Variants in NAALADL2 observed in about 807,000 individuals in gnomAD.
NAALADL2 encodes inactive N-acetylated-alpha-linked acidic dipeptidase-like protein 2.
NAALADL2 carries 76 observed loss-of-function variants against 87.2 expected under a neutral mutation model. That is an observed-to-expected ratio of 0.87 (90% CI 0.72 to 1.05). The LOEUF (loss-of-function observed/expected upper bound fraction) is 1.05, where lower values mean the gene tolerates loss of function less well. NAALADL2 is among the 50% of genes least tolerant of loss of function. The probability of loss-of-function intolerance (pLI) is 0.00; values close to 1 mark genes in which losing one functional copy is unlikely to be tolerated. For synonymous variants in NAALADL2, 354 were observed against 331.0 expected, an observed-to-expected ratio of 1.07 and a Z score of -0.75; for missense variants, 1,089 against 945.8, an observed-to-expected ratio of 1.15 and a Z score of -1.99.
chr3:174,501,296 T>C (rs1718876112), intron 1 of NAALADL2, among the ~76,000 whole-genome samples: 1 of 143,696 alleles, frequency 7.0e-6, no homozygotes, highest in African/African-American at 3.0e-5. Flanking sequence ...GCCGGGATGG[T>C]CTCGATCTCC....
Position 175,004,376 on chromosome 3 carries a change from C to CAA in NAALADL2, c.44-92386_44-92385dup, listed in dbSNP as rs538715061. 1.5e-3 allele frequency among the ~76,000 whole-genome samples: 50 copies of CAA among 33,818 alleles called. 2 individuals carry two copies. The highest frequency in any genetic ancestry group is 2.3e-3 in the Admixed American group (6 of 2,582). 22.2% of individuals were successfully genotyped at this position (33,818 alleles called of 152,430 possible). On this transcript the variant is annotated intron_variant, in intron 1 of 13. Transcript: ENST00000454872. Reference sequence around the variant, plus strand: ...CCTGGGTGACAGAGTGAGACTATTTCAAAAAAAAAAAAAAAAAAAAAAAAA... The same window carrying CAA: ...CCTGGGTGACAGAGTGAGACTATTTCAAAAAAAAAAAAAAAAAAAAAAAAAAA...
intron 9 of NAALADL2, among the ~76,000 whole-genome samples, chr3:175,527,170 T>C (rs1028337044): frequency 2.6e-5 from 4 of 152,148 alleles, no homozygotes; most frequent in South Asian, 2.1e-4. Context: ...TGGGTTTGGA[T>C]TGGTGTTTGC....
At chr3:174,758,795 AC>A (rs1712485129) in intron 3 of NAALADL2, among the ~76,000 whole-genome samples, 1 of 152,214 alleles carries the variant, frequency 6.6e-6, no homozygotes, top group Non-Finnish European at 1.5e-5. Flanking sequence ...GGATGGGATA[AC>A]AACTTCTTTT....
intron 3 of NAALADL2, among the ~76,000 whole-genome samples, chr3:174,785,242 T>C (rs1716502697): frequency 6.6e-6 from 1 of 152,168 alleles, no homozygotes; most frequent in Non-Finnish European, 1.5e-5. Context: ...TGAGTGCTAA[T>C]TTTTATTTAA....
At chr3:175,235,454 A>G (rs1425156233) in intron 3 of NAALADL2, 1 of 152,232 alleles carries the variant, frequency 6.6e-6, no homozygotes, top group Non-Finnish European at 1.5e-5. Flanking sequence ...TAGGACTCAT[A>G]TAATTTGATT....
At chr3:175,702,548 C>T (rs540787587) in intron 11 of NAALADL2, among the ~76,000 whole-genome samples, 67 of 152,168 alleles carry the variant, frequency 4.4e-4, no homozygotes, top group African/African-American at 1.5e-3. Context: ...AGAAAAATAG[C>T]ACTATATTGA....
At chr3:175,267,248 A>T (rs1248854229) in intron 4 of NAALADL2, among the ~76,000 whole-genome samples, 3 of 152,082 alleles carry the variant, frequency 2.0e-5, no homozygotes, top group Non-Finnish European at 2.9e-5. Flanking sequence ...ATGAATCACT[A>T]AATACGTAGG....
At chr3:175,450,897 C>G (rs1012720012) in intron 6 of NAALADL2, among the ~76,000 whole-genome samples, 1 of 152,088 alleles carries the variant, frequency 6.6e-6, no homozygotes. Flanking sequence ...GAACAAGAAA[C>G]CATGTAGCTC....
At chr3:175,691,852 TC>T (rs1737089924) in intron 11 of NAALADL2, among the ~76,000 whole-genome samples, 1 of 152,162 alleles carries the variant, frequency 6.6e-6, no homozygotes, top group Admixed American at 6.6e-5. Context: ...TAAAAGTTTT[TC>T]TTATTTGTGC....
intron 1 of NAALADL2, among the ~76,000 whole-genome samples, chr3:174,519,449 A>G (rs1446902626): frequency 6.6e-6 from 1 of 151,144 alleles, no homozygotes; most frequent in African/African-American, 2.4e-5. Context: ...CTGCCTCAGC[A>G]TCACGAATAG....
intron 10 of NAALADL2, among the ~76,000 whole-genome samples, chr3:175,592,887 A>C (rs1721721634): frequency 6.6e-6 from 1 of 151,996 alleles, no homozygotes; most frequent in Non-Finnish European, 1.5e-5. Context: ...CTTAAAGTAT[A>C]ATAATAATAA....
chr3:175,283,065 AAT>A (rs1754514263), intron 4 of NAALADL2, among the ~76,000 whole-genome samples: 1 of 152,052 alleles, frequency 6.6e-6, no homozygotes, highest in South Asian at 2.1e-4. Context: ...TTATAGACAC[AAT>A]GTTTGTTCCA....
Position 175,370,383 on chromosome 3 carries a change from T to C in NAALADL2, c.1090+46058T>C, listed in dbSNP as rs565128171. Among the ~76,000 whole-genome samples, 6 of 152,282 alleles carry C rather than the reference T, an allele frequency of 3.9e-5. No homozygotes were observed. In the South Asian group the frequency reaches 1.2e-3, roughly 32 times the overall value. ...AAACTTATTTTATAAAATATATTTG[T>C]GAACCATAAAACCCCATATAAAATG... On this transcript the variant is annotated intron_variant, in intron 5 of 13. Coordinates refer to ENST00000454872, the MANE Select transcript of NAALADL2 (RefSeq NM_207015.3).
intron 9 of NAALADL2, among the ~76,000 whole-genome samples, chr3:175,492,329 C>G (rs1728218634): frequency 6.6e-6 from 1 of 152,074 alleles, no homozygotes; most frequent in Admixed American, 6.6e-5. Flanking sequence ...TGAAATGAAG[C>G]CCTTGAAGTT....
intron 5 of NAALADL2, among the ~76,000 whole-genome samples, chr3:175,347,093 T>TA (rs1379035686): frequency 6.6e-6 from 1 of 152,168 alleles, no homozygotes; most frequent in Non-Finnish European, 1.5e-5. Context: ...CTGCTGCTAT[T>TA]ACATTGGGCT....
intron 5 of NAALADL2, among the ~76,000 whole-genome samples, chr3:175,330,579 G>C (rs76075741): frequency 0.012 from 1,867 of 152,168 alleles, 50 homozygotes; most frequent in African/African-American, 0.042. Flanking sequence ...ATGACCATCA[G>C]GTTAAGGAGG....
At chr3:175,258,324 CAAAAAAA>C (rs1287997792) in intron 4 of NAALADL2, among the ~76,000 whole-genome samples, 1 of 100,748 alleles carries the variant, frequency 9.9e-6, no homozygotes, top group Admixed American at 1.0e-4. Flanking sequence ...CCCCCACCAC[CAAAAAAA>C]AAAAAAAAAA....
At chr3:174,522,826 C>T (rs1172164430) in intron 1 of NAALADL2, among the ~76,000 whole-genome samples, 1 of 147,496 alleles carries the variant, frequency 6.8e-6, no homozygotes, top group Admixed American at 6.9e-5. Context: ...CCCAGCTACT[C>T]GGGAGGCTGA....
intron 1 of NAALADL2, among the ~76,000 whole-genome samples, chr3:175,057,630 G>T (rs777000649): frequency 1.3e-5 from 2 of 152,140 alleles, no homozygotes; most frequent in Admixed American, 6.5e-5. Context: ...TAATTAGGCT[G>T]TCAGCTGGAT....
Sources: allele counts gnomAD v4.1 joint callset (sites outside exome capture counted in the v4.1 genomes callset), GRCh38; gene constraint gnomAD v4.1.1; transcripts MANE v1.5; gene names NCBI Gene and HGNC (gene_info 2026-07-23, HGNC 2026-07-21).